PARP8: variants seen among roughly 807,000 people sequenced by gnomAD.
PARP8 encodes the protein poly(ADP-ribose) polymerase family member 8, also known as protein mono-ADP-ribosyltransferase PARP8.
A neutral mutation model predicts 124.1 loss-of-function variants in PARP8; 51 were observed. That is an observed-to-expected ratio of 0.41 (90% CI 0.33 to 0.52). The LOEUF (loss-of-function observed/expected upper bound fraction) is 0.52. PARP8 is among the 20% of genes least tolerant of loss of function. The pLI, the probability that PARP8 is intolerant of heterozygous loss-of-function variation, is 0.21. For synonymous variants in PARP8, 391 were observed against 361.5 expected, an observed-to-expected ratio of 1.08 and a Z score of -0.93; for missense variants, 860 against 1,018.9, an observed-to-expected ratio of 0.84 and a Z score of 2.12.
chr5:50,785,400 A>G (rs1741137584), intron 9 of PARP8, among the ~76,000 whole-genome samples: 1 of 152,086 alleles, frequency 6.6e-6, no homozygotes, highest in African/African-American at 2.4e-5. Context: ...TCTCCGGTAA[A>G]GGCATTAGTT....
At chr5:50,801,169 C>T (rs894747313) in intron 14 of PARP8, among the ~76,000 whole-genome samples, 3 of 151,772 alleles carry the variant, frequency 2.0e-5, no homozygotes, top group Admixed American at 6.6e-5. Context: ...GGCATGATCT[C>T]GGCTCACTGC....
At chr5:50,703,611 C>T (rs914328404) in intron 2 of PARP8, among the ~76,000 whole-genome samples, 2 of 152,070 alleles carry the variant, frequency 1.3e-5, no homozygotes, top group African/African-American at 4.8e-5. Flanking sequence ...CTGTGAAATC[C>T]CCTGATCTCA....
In PARP8 at chr5:50,842,045, G is replaced by A. The variant is rs769884113; in HGVS notation, c.2542G>A (p.Gly848Ser). 1 of 1,602,722 alleles carries A rather than the reference G, an allele frequency of 6.2e-7. No homozygotes were observed. The highest frequency in any genetic ancestry group is 8.5e-7 in the Non-Finnish European group (1 of 1,173,336). ...GIHKEILRVI[G>S]NQTATG ...TCACAAAGAGATCCTCCGAGTAATT[G>A]GTAATCAAACTGCTACTGGTTAAAG... The change falls in exon 26 of 26, where the codon GGT becomes AGT. Residue 848 changes from glycine to serine, a missense_variant. Around this residue, in one of 2 missense-constraint regions of PARP8, gnomAD observed 343 missense variants for 474.7 expected, o/e 0.72. Coordinates refer to ENST00000281631, the MANE Select transcript of PARP8 (RefSeq NM_024615.4).
chr5:50,829,651 A>G (rs2149714375), intron 21 of PARP8, among the ~76,000 whole-genome samples: 1 of 152,342 alleles, frequency 6.6e-6, no homozygotes, highest in South Asian at 2.1e-4. Flanking sequence ...TGTACTTTAT[A>G]ATAAATGATT....
intron 7 of PARP8, among the ~76,000 whole-genome samples, chr5:50,766,023 A>G (rs897330503): frequency 5.3e-5 from 8 of 152,224 alleles, no homozygotes; most frequent in Admixed American, 3.3e-4. Context: ...AAAGGCAGCT[A>G]ACCACATCTA....
rs116673276 is a variant in PARP8 at position 50,789,537 on chromosome 5, A to G, written c.737+948A>G. Reference sequence around the variant, plus strand: ...CCAGCCTTCCACACAGAGGGAATACAGCTTTCTCTTTGAACATAGAGTCTA... The same window carrying G: ...CCAGCCTTCCACACAGAGGGAATACGGCTTTCTCTTTGAACATAGAGTCTA... On this transcript the variant is annotated intron_variant, in intron 10 of 25. Coordinates refer to ENST00000281631, the MANE Select transcript of PARP8 (RefSeq NM_024615.4). 7.8e-3 allele frequency among the ~76,000 whole-genome samples: 1,195 copies of G among 152,316 alleles called. 14 individuals carry two copies. Among genetic ancestry groups the G allele is most frequent in the African/African-American group, 0.027 (1,126 of 41,556 alleles).
intron 2 of PARP8, among the ~76,000 whole-genome samples, chr5:50,696,549 C>A (rs1253797441): frequency 6.6e-6 from 1 of 152,174 alleles, no homozygotes; most frequent in Non-Finnish European, 1.5e-5. Flanking sequence ...CTTGCTCTTT[C>A]CCTCTGCAAC....
At chr5:50,804,780 C>T (rs148855477) in intron 14 of PARP8, among the ~76,000 whole-genome samples, 39 of 152,194 alleles carry the variant, frequency 2.6e-4, no homozygotes, top group African/African-American at 8.7e-4. Flanking sequence ...ATGATTCAGA[C>T]GATTCTGATG....
chr5:50,754,180 C>CACACAT (rs1392408459), intron 3 of PARP8, among the ~76,000 whole-genome samples: 1 of 50,324 alleles, frequency 2.0e-5, no homozygotes, highest in African/African-American at 7.1e-5. Flanking sequence ...CACACACACA[C>CACACAT]ATATATATAT....
chr5:50,734,602 A>G (rs895791969), intron 2 of PARP8, among the ~76,000 whole-genome samples: 1 of 152,154 alleles, frequency 6.6e-6, no homozygotes, highest in Non-Finnish European at 1.5e-5. Flanking sequence ...CTTTAGAGCT[A>G]TATAATTCTC....
At chr5:50,833,458 A>G (rs931415962) in intron 23 of PARP8, 26 of 450,490 alleles carry the variant, frequency 5.8e-5, no homozygotes, top group Non-Finnish European at 1.1e-4. Context: ...AAATCATCTG[A>G]TAAGTAGTGT....
In PARP8 at chr5:50,770,903, A is replaced by G. The variant is rs75650952; in HGVS notation, c.519-7166A>G. Among the ~76,000 whole-genome samples, 838 of 152,154 alleles carry G rather than the reference A, an allele frequency of 5.5e-3. 5 individuals are homozygous for G. The highest frequency in any genetic ancestry group is 0.019 in the African/African-American group (784 of 41,518). ...CTTATTCTTGTCATACTTTCTGTAT[A>G]CTTTCATACCGAAATTTGCACATAA... On this transcript the variant is annotated intron_variant, in intron 7 of 25. Coordinates refer to ENST00000281631, the MANE Select transcript of PARP8 (RefSeq NM_024615.4).
At chr5:50,813,394 GTC>G (rs200085747) in intron 14 of PARP8, among the ~76,000 whole-genome samples, 48,313 of 151,330 alleles carry the variant, frequency 0.32, 9,536 homozygotes, top group Non-Finnish European at 0.42. Context: ...CTCTCTGTTT[GTC>G]TGTTATTGGT....
intron 2 of PARP8, among the ~76,000 whole-genome samples, chr5:50,702,870 A>G (rs1192266273): frequency 6.6e-6 from 1 of 152,136 alleles, no homozygotes; most frequent in Non-Finnish European, 1.5e-5. Flanking sequence ...ATCGTTCCTT[A>G]AGTGCTTCCT....
intron 2 of PARP8, among the ~76,000 whole-genome samples, chr5:50,724,442 C>T (rs1442407370): frequency 6.6e-6 from 1 of 151,950 alleles, no homozygotes; most frequent in Non-Finnish European, 1.5e-5. Context: ...TTTGGTTATT[C>T]TTTACTGAAA....
intron 2 of PARP8, among the ~76,000 whole-genome samples, chr5:50,727,826 T>G (rs1212173283): frequency 1.3e-5 from 2 of 152,166 alleles, no homozygotes; most frequent in Admixed American, 1.3e-4. Context: ...TATGGGGCCC[T>G]TATGTGATGC....
chr5:50,805,991 C>T (rs1175089785), intron 14 of PARP8, among the ~76,000 whole-genome samples: 1 of 152,034 alleles, frequency 6.6e-6, no homozygotes, highest in Non-Finnish European at 1.5e-5. Flanking sequence ...TGTCAGTACT[C>T]ACCTGTTGAT....
Position 50,741,207 on chromosome 5 carries a change from C to G in PARP8, c.147-8944C>G, listed in dbSNP as rs144813030. 1.6e-3 allele frequency among the ~76,000 whole-genome samples: 246 copies of G among 152,172 alleles called. 1 individual carries two copies. The highest frequency in any genetic ancestry group is 5.6e-3 in the African/African-American group (232 of 41,536). On this transcript the variant is annotated intron_variant, in intron 2 of 25. Coordinates refer to ENST00000281631, the MANE Select transcript of PARP8 (RefSeq NM_024615.4). ...AAGAAAAGCTCAGATATTAAACTTTCGGGATGCAATATGGAAATAATATTT... is the reference window on the plus strand; with the variant it reads ...AAGAAAAGCTCAGATATTAAACTTTGGGGATGCAATATGGAAATAATATTT...
At chr5:50,784,384 C>T (rs1341502539) in intron 9 of PARP8, among the ~76,000 whole-genome samples, 4 of 152,014 alleles carry the variant, frequency 2.6e-5, no homozygotes, top group Non-Finnish European at 4.4e-5. Flanking sequence ...TATAATTTGT[C>T]TCTTTTATGA....
Sources: allele counts gnomAD v4.1 joint callset (sites outside exome capture counted in the v4.1 genomes callset), GRCh38; gene constraint gnomAD v4.1.1; regional missense constraint gnomAD v4.1.1; transcripts MANE v1.5; gene names NCBI Gene and HGNC (gene_info 2026-07-23, HGNC 2026-07-21).